HUNK: variants seen among roughly 807,000 people sequenced by gnomAD.
The protein encoded by HUNK is hormonally up-regulated neu tumor-associated kinase.
Under a neutral mutation model 61.0 loss-of-function variants are expected in HUNK, and 21 were observed. The ratio of observed to expected loss-of-function variants is 0.34; its 90% confidence interval spans 0.24 to 0.50. HUNK has a LOEUF of 0.50. HUNK is among the 20% of genes least tolerant of loss of function. HUNK has a pLI of 0.98. For synonymous variants in HUNK, 371 were observed against 386.1 expected (o/e 0.96, Z 0.46); for missense variants, 772 against 945.7 (o/e 0.82, Z 2.41).
intron 2 of HUNK, among the ~76,000 whole-genome samples, chr21:31,927,622 C>A (rs922529156): frequency 1.3e-5 from 2 of 151,032 alleles, no homozygotes; most frequent in African/African-American, 2.4e-5. Flanking sequence ...CCAGCCTGGA[C>A]AACAGAGCGA....
At chr21:31,920,497 A>T (rs2052615484) in intron 1 of HUNK, among the ~76,000 whole-genome samples, 1 of 152,160 alleles carries the variant, frequency 6.6e-6, no homozygotes, top group African/African-American at 2.4e-5. Flanking sequence ...AATTTTTTAG[A>T]TACTGCCACA....
At chr21:31,974,390 T>G (rs114539428) in intron 6 of HUNK, 165 bp from the exon 7 acceptor site, 1 of 580,356 alleles carries the variant, frequency 1.7e-6, no homozygotes, top group Non-Finnish European at 2.9e-6. Flanking sequence ...ATAAAGTGAT[T>G]GTACTATTCC....
Position 31,873,896 on chromosome 21 carries a change from C to G in HUNK, c.222C>G (p.Ala74=). Residue 74 remains alanine, a synonymous_variant, in exon 1 of 11, where the codon GCC becomes GCG. Transcript: ENST00000270112. This position sits in a 1 kb window ranked among gnomAD's most constrained non-coding sequence, Gnocchi z 6.1. The part of the protein sequence containing the change: ...GSRKLGEGSF[A]KVREGLHVLT... ...GGAAGCTGGGCGAGGGCTCCTTTGC[C>G]AAGGTGCGCGAGGGGCTGCACGTGC... is the stretch of plus-strand genomic sequence containing the variant. 6.3e-7 allele frequency: 1 copy of G among 1,581,126 alleles called. No individual in the cohort carries two copies. The highest frequency in any genetic ancestry group is 8.6e-7 in the Non-Finnish European group (1 of 1,166,218).
At chr21:31,885,070 G>C (rs561535347) in intron 1 of HUNK, among the ~76,000 whole-genome samples, 3 of 152,046 alleles carry the variant, frequency 2.0e-5, no homozygotes, top group African/African-American at 7.3e-5. Context: ...GAGTCATCGC[G>C]CCTGGCCAAA....
chr21:31,884,090 T>C (rs946011249), intron 1 of HUNK, among the ~76,000 whole-genome samples: 1 of 152,160 alleles, frequency 6.6e-6, no homozygotes, highest in African/African-American at 2.4e-5. Context: ...TGTCCCATCA[T>C]CTCTTCATGG....
intron 6 of HUNK, among the ~76,000 whole-genome samples, chr21:31,973,127 A>C (rs2053023401): frequency 6.9e-6 from 1 of 144,998 alleles, no homozygotes; most frequent in Non-Finnish European, 1.5e-5. Flanking sequence ...TCTTTGTATC[A>C]CTCTTTTTAT....
intron 1 of HUNK, among the ~76,000 whole-genome samples, chr21:31,883,106 C>G (rs2052320932): frequency 6.6e-6 from 1 of 151,694 alleles, no homozygotes. Flanking sequence ...CTCAGTGTAT[C>G]TGAGGGGTAA....
intron 5 of HUNK, among the ~76,000 whole-genome samples, chr21:31,961,335 A>G (rs1241695660): frequency 1.3e-5 from 2 of 152,146 alleles, no homozygotes; most frequent in African/African-American, 4.8e-5. Context: ...GTTTGGGGCT[A>G]TCATGAATAA....
intron 1 of HUNK, among the ~76,000 whole-genome samples, chr21:31,902,528 T>C (rs1325556447): frequency 6.6e-6 from 1 of 152,110 alleles, no homozygotes; most frequent in African/African-American, 2.4e-5. Context: ...AAAAATCTTC[T>C]TCCTCGTAGG....
At chr21:31,976,880 C>T (rs1030823753) in intron 7 of HUNK, among the ~76,000 whole-genome samples, 3 of 151,774 alleles carry the variant, frequency 2.0e-5, no homozygotes, top group African/African-American at 4.8e-5. Flanking sequence ...AAGTGATTCT[C>T]CCACCTCAGT....
chr21:31,910,405 C>T (rs142575990), intron 1 of HUNK, among the ~76,000 whole-genome samples: 306 of 152,172 alleles, frequency 2.0e-3, no homozygotes, highest in African/African-American at 7.2e-3. Flanking sequence ...CTCATGTCCT[C>T]ATTTAACCTT....
chr21:31,982,999 C>T (rs563692566), intron 7 of HUNK, among the ~76,000 whole-genome samples: 10 of 152,190 alleles, frequency 6.6e-5, no homozygotes, highest in East Asian at 1.9e-4. Context: ...GACAGGGTTT[C>T]GCCACGTTGG....
At chr21:31,987,248 G>A (rs974172591) in intron 8 of HUNK, among the ~76,000 whole-genome samples, 7 of 152,178 alleles carry the variant, frequency 4.6e-5, no homozygotes, top group African/African-American at 1.7e-4. Context: ...CGTGCCTTAC[G>A]GCAGGGAGGG....
intron 1 of HUNK, among the ~76,000 whole-genome samples, chr21:31,888,555 G>A (rs1415430528): frequency 6.6e-6 from 1 of 152,112 alleles, no homozygotes; most frequent in African/African-American, 2.4e-5. Flanking sequence ...TGACCAACAT[G>A]GTGAAACCCT....
At chr21:31,910,551 C>A (rs921771236) in intron 1 of HUNK, among the ~76,000 whole-genome samples, 1 of 150,858 alleles carries the variant, frequency 6.6e-6, no homozygotes, top group Non-Finnish European at 1.5e-5. Flanking sequence ...TACAATGGCG[C>A]GATCTCGGCT....
chr21:31,915,050 TG>T (rs1601375643), intron 1 of HUNK, among the ~76,000 whole-genome samples: 1 of 54,762 alleles, frequency 1.8e-5, no homozygotes, highest in East Asian at 5.5e-4. Flanking sequence ...GTTTTAGATT[TG>T]GGATTTTTTT....
At chr21:31,986,565 C>T (rs1295082246) in intron 8 of HUNK, among the ~76,000 whole-genome samples, 4 of 152,024 alleles carry the variant, frequency 2.6e-5, no homozygotes, top group African/African-American at 4.8e-5. Context: ...CTTCATTTGC[C>T]AGGCAGACTC....
chr21:31,968,304 A>G lies in HUNK; in HGVS notation c.929A>G (p.Asn310Ser). The change falls in exon 6 of 11, where the codon AAT (asparagine) becomes AGT (serine). Residue 310 changes from asparagine (N) to serine (S), a missense_variant. This residue lies in a region of HUNK where 359 missense variants were observed against 501.3 expected (regional missense o/e 0.72). Coordinates refer to ENST00000270112, the MANE Select transcript of HUNK (RefSeq NM_014586.2). ...LLEPDPVKRP[N>S]IQQALANRWL... ...GAACCGGATCCTGTGAAGAGGCCAA[A>G]TATTCAGCAGGCACTGGCGAATCGC... The G allele has an allele frequency of 6.2e-7, 1 of 1,614,158 alleles. No individual in the cohort carries two copies. Among genetic ancestry groups the G allele is most frequent in the Non-Finnish European group, 8.5e-7 (1 of 1,180,020 alleles).
chr21:31,886,980 A>T (rs1486945583), intron 1 of HUNK, among the ~76,000 whole-genome samples: 1 of 152,212 alleles, frequency 6.6e-6, no homozygotes, highest in African/African-American at 2.4e-5. Flanking sequence ...TGATCTTCCC[A>T]AGACATGTGG....
Sources: allele counts gnomAD v4.1 joint callset (sites outside exome capture counted in the v4.1 genomes callset), GRCh38; gene constraint gnomAD v4.1.1; regional missense constraint gnomAD v4.1.1; non-coding constraint Gnocchi (gnomAD v3.1); transcripts MANE v1.5; gene names NCBI Gene and HGNC (gene_info 2026-07-23, HGNC 2026-07-21).